Variants in PTPRN2 observed in about 807,000 individuals in gnomAD.
PTPRN2 encodes the protein receptor-type tyrosine-protein phosphatase N2.
A neutral mutation model predicts 118.8 loss-of-function variants in PTPRN2; 74 were observed. The observed-to-expected ratio is 0.62, with a 90% CI of 0.52 to 0.76. PTPRN2 has a LOEUF of 0.76. PTPRN2 is among the 30% of genes least tolerant of loss of function. PTPRN2 has a pLI of 0.00. For synonymous variants in PTPRN2, 641 were observed against 608.0 expected, an observed-to-expected ratio of 1.05 and a Z score of -0.80; for missense variants, 1,481 against 1,394.4, an observed-to-expected ratio of 1.06 and a Z score of -0.99.
rs1033003294 is a variant in PTPRN2 at position 157,794,164 on chromosome 7, C to T, written c.1788+104509G>A. On this transcript the variant is annotated intron_variant, in intron 12 of 22. Transcript: ENST00000389418. The surrounding 1 kb of genome is among the most constrained non-coding windows in gnomAD (Gnocchi z 5.2). The stretch of plus-strand genomic sequence containing the variant: ...CGTTCTCTGCTCTGACCCGGGCTCG[C>T]ACCTCTCCTCGTTCTCTGCCCTGAC... Among the ~76,000 whole-genome samples, 2 of 151,466 alleles carry T rather than the reference C, an allele frequency of 1.3e-5. No individual in the cohort carries two copies. Among genetic ancestry groups the T allele is most frequent in the African/African-American group, 2.4e-5 (1 of 41,118 alleles).
intron 5 of PTPRN2, among the ~76,000 whole-genome samples, chr7:158,188,159 A>ATTGGGAAGGCCGCCACG (rs1585783220): frequency 2.0e-5 from 3 of 149,546 alleles, no homozygotes; most frequent in South Asian, 2.1e-4. Context: ...CGCCCCCTGT[A>ATTGGGAAGGCCGCCACG]CTGGGAAGGC....
intron 12 of PTPRN2, among the ~76,000 whole-genome samples, chr7:157,775,976 GC>G (rs1181039247): frequency 6.6e-6 from 1 of 151,974 alleles, no homozygotes; most frequent in Non-Finnish European, 1.5e-5. Context: ...GGTGGGCTGG[GC>G]CCGGGGGGAT....
Position 158,429,517 on chromosome 7 carries a change from C to G in PTPRN2, c.163+60218G>C, listed in dbSNP as rs1216218377. On this transcript the variant is annotated intron_variant, in intron 2 of 22. Transcript: ENST00000389418. ...GTCCCCACTGCAGCTTCCACAAACC[C>G]TTAGACCCGCTGGTGATGTGCTAGC... is the stretch of plus-strand genomic sequence containing the variant. Among the ~76,000 whole-genome samples the G allele has an allele frequency of 2.0e-5, 3 of 152,230 alleles. No homozygotes were observed. In the South Asian group the frequency reaches 6.2e-4, roughly 31 times the overall value.
At chr7:158,295,141 G>T (rs1361734012) in intron 3 of PTPRN2, among the ~76,000 whole-genome samples, 2 of 138,464 alleles carry the variant, frequency 1.4e-5, no homozygotes, top group Admixed American at 7.4e-5. Context: ...CATGGCACCC[G>T]CTGACCCTGC....
At chr7:157,791,894 G>A (rs889812286) in intron 12 of PTPRN2, among the ~76,000 whole-genome samples, 64 of 152,354 alleles carry the variant, frequency 4.2e-4, no homozygotes, top group African/African-American at 1.5e-3. Context: ...TCAGAGGGGC[G>A]CACGCGGATC....
At chr7:158,424,321 G>T (rs538199201) in intron 2 of PTPRN2, among the ~76,000 whole-genome samples, 3 of 152,324 alleles carry the variant, frequency 2.0e-5, no homozygotes, top group Non-Finnish European at 4.4e-5. Context: ...GATTCCCCCA[G>T]CTGTAATGGA....
chr7:158,246,937 G>C (rs1206060749), intron 3 of PTPRN2, among the ~76,000 whole-genome samples: 1 of 152,200 alleles, frequency 6.6e-6, no homozygotes, highest in Non-Finnish European at 1.5e-5. Flanking sequence ...TTGAGTTTCT[G>C]TGATGAGGCC....
intron 11 of PTPRN2, among the ~76,000 whole-genome samples, chr7:157,957,047 G>A (rs1268980927): frequency 6.6e-6 from 1 of 152,204 alleles, no homozygotes; most frequent in Non-Finnish European, 1.5e-5. Context: ...AGAACCACAT[G>A]AGCGAATGGC....
At chr7:158,486,023 TCTC>T (rs1309093941) in intron 2 of PTPRN2, among the ~76,000 whole-genome samples, 1 of 152,250 alleles carries the variant, frequency 6.6e-6, no homozygotes, top group Non-Finnish European at 1.5e-5. Context: ...AAAGAAGCAT[TCTC>T]CTTTGTTTAA....
At chr7:157,790,069 GGTGT>G (rs570671524) in intron 12 of PTPRN2, among the ~76,000 whole-genome samples, 1 of 126,648 alleles carries the variant, frequency 7.9e-6, no homozygotes, top group Non-Finnish European at 1.6e-5. Context: ...GTGAATGTGT[GGTGT>G]GTGTGTGTGG....
intron 12 of PTPRN2, among the ~76,000 whole-genome samples, chr7:157,840,619 T>C (rs1338602619): frequency 6.6e-6 from 1 of 151,976 alleles, no homozygotes; most frequent in Non-Finnish European, 1.5e-5. Flanking sequence ...AGGCCCCGTG[T>C]TGGGGGGAAG....
At position 157,632,051 on chromosome 7, in the gene PTPRN2, A is replaced by G. The variant is rs1172103570; in HGVS notation, c.2197-10542T>C. On this transcript the variant is annotated intron_variant, in intron 14 of 22. Transcript: ENST00000389418. The surrounding 1 kb of genome is among the most constrained non-coding windows in gnomAD (Gnocchi z 4.3). ...TTGCAAAGTGGTGTGTTAAGAGGAC[A>G]TGAAAACTGGCTCTATCTTGATTGA... Among the ~76,000 whole-genome samples, 2 of 152,230 alleles carry G rather than the reference A, an allele frequency of 1.3e-5. No homozygotes were observed. The highest frequency in any genetic ancestry group is 3.8e-4 in the East Asian group (2 of 5,202).
intron 9 of PTPRN2, among the ~76,000 whole-genome samples, chr7:158,125,256 C>G (rs1312053921): frequency 3.3e-5 from 5 of 150,572 alleles, no homozygotes; most frequent in Admixed American, 2.0e-4. Flanking sequence ...CCTCCCAGGG[C>G]CACCTCCCTG....
chr7:157,869,688 C>T lies in PTPRN2; in HGVS notation c.1788+28985G>A, dbSNP rs925795741. ...GCCAAACCAGGACTGTAGGGGGATG[C>T]CTCATGAGTTCTCATCGGAACTCTT... On this transcript the variant is annotated intron_variant, in intron 12 of 22. Transcript: ENST00000389418. This position sits in a 1 kb window ranked among gnomAD's most constrained non-coding sequence, Gnocchi z 4.2. 6.6e-6 allele frequency among the ~76,000 whole-genome samples: 1 copy of T among 152,110 alleles called. No homozygotes were observed. Among genetic ancestry groups the T allele is most frequent in the Non-Finnish European group, 1.5e-5 (1 of 68,012 alleles).
chr7:158,160,681 C>T (rs1822279720), intron 6 of PTPRN2, among the ~76,000 whole-genome samples: 1 of 152,120 alleles, frequency 6.6e-6, no homozygotes, highest in Non-Finnish European at 1.5e-5. Flanking sequence ...TTTCAGATGC[C>T]TGCAGTTATA....
intron 2 of PTPRN2, among the ~76,000 whole-genome samples, chr7:158,449,323 G>C (rs948413197): frequency 6.6e-6 from 1 of 152,238 alleles, no homozygotes; most frequent in South Asian, 2.1e-4. Flanking sequence ...GGGCAGGTGA[G>C]GGTGGTCGGC....
chr7:158,452,011 A>G (rs1053740483), intron 2 of PTPRN2, among the ~76,000 whole-genome samples: 1 of 152,182 alleles, frequency 6.6e-6, no homozygotes, highest in Non-Finnish European at 1.5e-5. Context: ...CCAAATCATT[A>G]CTGAATAATA....
intron 11 of PTPRN2, among the ~76,000 whole-genome samples, chr7:158,067,971 G>A (rs1023321426): frequency 3.3e-5 from 5 of 152,206 alleles, no homozygotes; most frequent in Non-Finnish European, 7.3e-5. Flanking sequence ...GAGGACAGCC[G>A]CTGAGGCTCT....
At chr7:158,306,704 CTA>C (rs1801313675) in intron 3 of PTPRN2, among the ~76,000 whole-genome samples, 1 of 152,100 alleles carries the variant, frequency 6.6e-6, no homozygotes. Context: ...AGTTGCCACA[CTA>C]TGTTATTTAA....
Sources: allele counts gnomAD v4.1 joint callset (sites outside exome capture counted in the v4.1 genomes callset), GRCh38; gene constraint gnomAD v4.1.1; non-coding constraint Gnocchi (gnomAD v3.1); transcripts MANE v1.5; gene names NCBI Gene and HGNC (gene_info 2026-07-23, HGNC 2026-07-21).